MCC: variants seen among roughly 807,000 people sequenced by gnomAD.
MCC encodes colorectal mutant cancer protein.
A neutral mutation model predicts 116.2 loss-of-function variants in MCC; 90 were observed. The observed-to-expected ratio is 0.77, with a 90% CI of 0.65 to 0.92. The LOEUF is 0.92. Among genes scored for constraint, MCC ranks in the 40% least tolerant of loss-of-function variants. The probability of loss-of-function intolerance (pLI) is 0.00; values close to 1 mark genes in which losing one functional copy is unlikely to be tolerated. For synonymous variants in MCC, 578 were observed against 510.5 expected (o/e 1.13, Z -1.78); for missense variants, 1,516 against 1,312.2 (o/e 1.16, Z -2.40).
chr5:113,095,898 C>CGTAG (rs201008022), intron 8 of MCC, among the ~76,000 whole-genome samples: 3,403 of 152,142 alleles, frequency 0.022, 52 homozygotes, highest in Non-Finnish European at 0.033. Context: ...AAAAATAAGC[C>CGTAG]CTACTGAGCT....
At chr5:113,105,974 C>A (rs1351567994) in intron 6 of MCC, among the ~76,000 whole-genome samples, 1 of 152,152 alleles carries the variant, frequency 6.6e-6, no homozygotes, top group Admixed American at 6.5e-5. Flanking sequence ...CCAGGCCCCA[C>A]CCCAGACCAA....
chr5:113,322,259 G>C (rs1767439218), intron 3 of MCC, among the ~76,000 whole-genome samples: 2 of 152,194 alleles, frequency 1.3e-5, no homozygotes, highest in Non-Finnish European at 2.9e-5. Flanking sequence ...GGTGGGGAAA[G>C]TCTATAAGTA....
intron 3 of MCC, among the ~76,000 whole-genome samples, chr5:113,265,279 G>A (rs1401154811): frequency 6.6e-6 from 1 of 152,114 alleles, no homozygotes; most frequent in African/African-American, 2.4e-5. Context: ...CAAACAGGCA[G>A]CTGTACTGAG....
chr5:113,325,794 A>G (rs1767536869), intron 3 of MCC, among the ~76,000 whole-genome samples: 1 of 152,108 alleles, frequency 6.6e-6, no homozygotes, highest in African/African-American at 2.4e-5. Context: ...TAAACCCTTG[A>G]TCCACAGCCA....
chr5:113,027,920 T>C lies in MCC; in HGVS notation c.2880-438A>G, dbSNP rs529664610. Among the ~76,000 whole-genome samples, 5 of 152,140 alleles carry C rather than the reference T, an allele frequency of 3.3e-5. No homozygotes were observed. The East Asian group carries it at 7.7e-4, about 23-fold the overall frequency. ...CATACCTGGGACGAGAGCAGAGAGG[T>C]TGTTCTTGTTCCACCTTCCCTTTAT... On this transcript the variant is annotated intron_variant, in intron 18 of 18. Coordinates refer to ENST00000408903, the MANE Select transcript of MCC (RefSeq NM_001085377.2).
rs561759740 is a variant in MCC at position 113,391,381 on chromosome 5, C to T, written c.171-6169G>A. Among the ~76,000 whole-genome samples, 67 of 152,230 alleles carry T rather than the reference C, an allele frequency of 4.4e-4. 1 individual carries two copies. The South Asian group carries it at 0.013, about 29-fold the overall frequency. Reference sequence around the variant, plus strand: ...AGTGGGGCTGAAAACAGTGGCTGTACTTCCTTTTCCTAGCATGGAATAAGG... The same window carrying T: ...AGTGGGGCTGAAAACAGTGGCTGTATTTCCTTTTCCTAGCATGGAATAAGG... On this transcript the variant is annotated intron_variant, in intron 1 of 18. Transcript: ENST00000408903.
chr5:113,243,921 C>A (rs574999445), intron 3 of MCC, among the ~76,000 whole-genome samples: 1 of 152,350 alleles, frequency 6.6e-6, no homozygotes, highest in East Asian at 1.9e-4. Context: ...TGCCACCCAT[C>A]CAACACCCGG....
At chr5:113,456,488 G>A (rs942157484) in intron 1 of MCC, among the ~76,000 whole-genome samples, 2 of 151,646 alleles carry the variant, frequency 1.3e-5, no homozygotes, top group South Asian at 2.1e-4. Context: ...ACAGAGCCTC[G>A]CTCTGTTGCC....
At chr5:113,080,768 G>T (rs143592996) in intron 11 of MCC, among the ~76,000 whole-genome samples, 5 of 148,046 alleles carry the variant, frequency 3.4e-5, no homozygotes, top group African/African-American at 1.3e-4. Flanking sequence ...AAACCTGCAC[G>T]TTGTGCACAT....
At chr5:113,303,346 G>T (rs1766906643) in intron 3 of MCC, among the ~76,000 whole-genome samples, 1 of 152,118 alleles carries the variant, frequency 6.6e-6, no homozygotes, top group African/African-American at 2.4e-5. Flanking sequence ...ATTCTTTCAG[G>T]TTGGATAGAA....
chr5:113,240,159 G>A (rs1171283504), intron 3 of MCC, among the ~76,000 whole-genome samples: 1 of 152,140 alleles, frequency 6.6e-6, no homozygotes, highest in African/African-American at 2.4e-5. Context: ...TCTGCCTTCT[G>A]TGTGACTGCA....
intron 3 of MCC, among the ~76,000 whole-genome samples, chr5:113,329,485 C>T (rs1323523465): frequency 7.4e-6 from 1 of 134,686 alleles, no homozygotes; most frequent in East Asian, 2.0e-4. Context: ...CGTATACACA[C>T]ACATATATAA....
chr5:113,076,951 C>G (rs1364145508), intron 11 of MCC, among the ~76,000 whole-genome samples: 3 of 152,140 alleles, frequency 2.0e-5, no homozygotes, highest in Admixed American at 6.6e-5. Flanking sequence ...AAAATGAAGG[C>G]ATGGAGGAAG....
At chr5:113,227,589 C>G (rs1763791586) in intron 3 of MCC, among the ~76,000 whole-genome samples, 1 of 152,060 alleles carries the variant, frequency 6.6e-6, no homozygotes, top group African/African-American at 2.4e-5. Context: ...AGAATAATAT[C>G]CCTTCCATTT....
At chr5:113,254,938 G>C (rs995073929) in intron 3 of MCC, among the ~76,000 whole-genome samples, 4 of 152,174 alleles carry the variant, frequency 2.6e-5, no homozygotes, top group African/African-American at 9.7e-5. Context: ...GCCGAGGTGG[G>C]TGGATCACCT....
At chr5:113,363,299 A>T (rs1768595260) in intron 2 of MCC, among the ~76,000 whole-genome samples, 1 of 152,138 alleles carries the variant, frequency 6.6e-6, no homozygotes, top group Non-Finnish European at 1.5e-5. Flanking sequence ...AAAAAAACAA[A>T]CAAAAAAAAC....
intron 3 of MCC, among the ~76,000 whole-genome samples, chr5:113,220,946 TA>T (rs1763529766): frequency 6.6e-6 from 1 of 152,232 alleles, no homozygotes; most frequent in South Asian, 2.1e-4. Context: ...CTCATGCCTA[TA>T]ATCCCAGCAC....
chr5:113,290,021 T>C (rs1766421670), intron 3 of MCC, among the ~76,000 whole-genome samples: 1 of 152,216 alleles, frequency 6.6e-6, no homozygotes, highest in South Asian at 2.1e-4. Context: ...AATGCTGATA[T>C]TTTATAATTA....
chr5:113,188,987 G>A (rs1358817503), intron 3 of MCC, among the ~76,000 whole-genome samples: 1 of 152,224 alleles, frequency 6.6e-6, no homozygotes. Flanking sequence ...GTTACTCTGT[G>A]AGACACAGCT....
Sources: allele counts gnomAD v4.1 joint callset (sites outside exome capture counted in the v4.1 genomes callset), GRCh38; gene constraint gnomAD v4.1.1; transcripts MANE v1.5; gene names NCBI Gene and HGNC (gene_info 2026-07-23, HGNC 2026-07-21).